ITGB2: variants seen among roughly 807,000 people sequenced by gnomAD.
The protein encoded by ITGB2 is integrin beta-2.
A neutral mutation model predicts 86.8 loss-of-function variants in ITGB2; 56 were observed. The ratio of observed to expected loss-of-function variants is 0.65; its 90% CI spans 0.52 to 0.81. The LOEUF is 0.81. ITGB2 is among the 30% of genes least tolerant of loss of function. The pLI, the probability that ITGB2 is intolerant of heterozygous loss-of-function variation, is 0.00. For synonymous variants in ITGB2, 457 were observed against 450.4 expected (o/e 1.01, Z -0.19); for missense variants, 948 against 1,061.2 (o/e 0.89, Z 1.48).
intron 4 of ITGB2, among the ~76,000 whole-genome samples, chr21:44,904,438 C>T (rs1816636176): frequency 6.6e-6 from 1 of 151,956 alleles, no homozygotes; most frequent in African/African-American, 2.4e-5. Context: ...ACGTAGCACA[C>T]ACGCACCCAC....
At chr21:44,919,705 CT>C (rs911755018) in intron 1 of ITGB2, among the ~76,000 whole-genome samples, 3 of 152,238 alleles carry the variant, frequency 2.0e-5, no homozygotes, top group African/African-American at 7.2e-5. Context: ...CATCCCCCCC[CT>C]TCCCCATTGC....
chr21:44,903,167 G>C (rs1568894903), intron 5 of ITGB2, among the ~76,000 whole-genome samples, 198 bp downstream of exon 5: 1 of 152,206 alleles, frequency 6.6e-6, no homozygotes, highest in Non-Finnish European at 1.5e-5. Context: ...TACAAGTGTT[G>C]GGGAGCCAGG....
chr21:44,924,646 A>G (rs1329227423), upstream of ITGB2, among the ~76,000 whole-genome samples: 1 of 152,178 alleles, frequency 6.6e-6, no homozygotes, highest in Non-Finnish European at 1.5e-5. Context: ...TCACGGACAC[A>G]ATTGAATGAA....
chr21:44,908,908 C>T lies in ITGB2; in HGVS notation c.147+1376G>A, dbSNP rs187225592. ...GGACAGGACACGCAGCCAGACCCAG[C>T]GGATTTGAGCAACTCGGGGAAGAAA... On this transcript the variant is annotated intron_variant, in intron 3 of 15. Transcript: ENST00000652462. 2.4e-3 allele frequency among the ~76,000 whole-genome samples: 359 copies of T among 152,248 alleles called. 1 individual carries two copies. The highest frequency in any genetic ancestry group is 3.9e-3 in the Non-Finnish European group (268 of 68,030).
chr21:44,898,375 A>G (rs1007718572), intron 8 of ITGB2, among the ~76,000 whole-genome samples: 7 of 152,162 alleles, frequency 4.6e-5, no homozygotes, highest in African/African-American at 1.7e-4. Context: ...TTTTGTCTGT[A>G]TCCTCCCACC....
chr21:44,887,636 G>A (rs173098), intron 14 of ITGB2, among the ~76,000 whole-genome samples: 37,370 of 151,728 alleles, frequency 0.25, 4,831 homozygotes, highest in Middle Eastern at 0.32. Flanking sequence ...CTCACTCCCC[G>A]TGCCCCCTCC....
At chr21:44,895,912 AT>A (rs1394780472) in intron 8 of ITGB2, among the ~76,000 whole-genome samples, 5 of 151,022 alleles carry the variant, frequency 3.3e-5, no homozygotes, top group African/African-American at 7.4e-5. Flanking sequence ...TAAATAAAAA[AT>A]AAAAAAAAAA....
chr21:44,917,894 C>T (rs540089176), intron 1 of ITGB2, among the ~76,000 whole-genome samples: 2 of 152,206 alleles, frequency 1.3e-5, no homozygotes, highest in South Asian at 2.1e-4. Flanking sequence ...ACACGCAGCC[C>T]GGGGTGGGCA....
intron 1 of ITGB2, 86 bp from the exon 2 acceptor site, chr21:44,910,871 G>A (rs749574357): frequency 3.2e-5 from 44 of 1,387,108 alleles, no homozygotes; most frequent in Non-Finnish European, 4.4e-5. Flanking sequence ...GCTGGCCTGG[G>A]ACAAGGAGCT....
At chr21:44,909,760 C>G (rs2084100530) in intron 3 of ITGB2, among the ~76,000 whole-genome samples, 1 of 152,208 alleles carries the variant, frequency 6.6e-6, no homozygotes, top group Non-Finnish European at 1.5e-5. Flanking sequence ...GAATTTGATA[C>G]ATGAATTTAT....
chr21:44,897,530 CCT>C (rs1196436071), intron 8 of ITGB2, among the ~76,000 whole-genome samples: 1 of 152,188 alleles, frequency 6.6e-6, no homozygotes, highest in Non-Finnish European at 1.5e-5. Flanking sequence ...CTGTGAATTC[CCT>C]GAGTGGGTGA....
Position 44,886,266 on chromosome 21 carries a change from G to T in ITGB2, c.*102C>A. On this transcript the variant is annotated 3_prime_UTR_variant, in exon 16 of 16. Coordinates refer to ENST00000652462, the MANE Select transcript of ITGB2 (RefSeq NM_000211.5). ...GAGGGCGGAAAATAACTGGATTTCT[G>T]GTTAATTGGTGACATCCTCAAGAGC... is the stretch of plus-strand genomic sequence containing the variant. 8.9e-7 allele frequency: 1 copy of T among 1,121,284 alleles called. No individual in the cohort carries two copies. The highest frequency in any genetic ancestry group is 1.4e-6 in the Non-Finnish European group (1 of 732,382). 69.5% of individuals were successfully genotyped at this position (1,121,284 alleles called of 1,614,324 possible).
rs1255938477 is a variant in ITGB2 at position 44,886,404 on chromosome 21, G to C, written c.2274C>G (p.Thr758=). The change falls in exon 16 of 16, where the codon ACC becomes ACG. Residue 758 remains threonine, a synonymous_variant. Coordinates refer to ENST00000652462, the MANE Select transcript of ITGB2 (RefSeq NM_000211.5). ...NNDNPLFKSA[T]TTVMNPKFAE... is the part of the protein sequence containing the mutation. ...CAAACTTGGGGTTCATGACCGTCGTGGTGGCGCTCTTGAAAAGGGGATTAT... is the reference window on the plus strand; with the variant it reads ...CAAACTTGGGGTTCATGACCGTCGTCGTGGCGCTCTTGAAAAGGGGATTAT... 3 of 1,614,182 alleles carry C rather than the reference G, an allele frequency of 1.9e-6. No homozygotes were observed. In the South Asian group the frequency reaches 3.3e-5, roughly 18 times the overall value.
intron 7 of ITGB2, 77 bp from the exon 8 acceptor site, chr21:44,899,239 C>T (rs1428257135): frequency 9.9e-6 from 11 of 1,108,042 alleles, no homozygotes; most frequent in Non-Finnish European, 1.4e-5. Flanking sequence ...GTCTGCCCCG[C>T]TCAGCGTCAG....
In ITGB2 at chr21:44,888,831, G is replaced by C; in HGVS notation, c.1942C>G (p.Pro648Ala). The C allele has an allele frequency of 6.2e-7, 1 of 1,610,708 alleles. No homozygotes were observed. ...PFGKNCSAAC[P>A]GLQLSNNPVK... The stretch of plus-strand genomic sequence containing the variant: ...GGGTTGTTCGACAGCTGCAGGCCCG[G>C]ACACGCCGCGCTGCAGTTCTTCCCA... Residue 648 changes from proline (P) to alanine (A), a missense_variant, in exon 14 of 16, where the codon CCG becomes GCG. Pro to Ala is a conservative substitution (Grantham distance 27). Transcript: ENST00000652462.
chr21:44,911,101 C>T (rs763590136), intron 1 of ITGB2: 12 of 479,484 alleles, frequency 2.5e-5, no homozygotes, highest in African/African-American at 3.9e-5. Context: ...CACACATGCA[C>T]GTGTACGTGC....
At chr21:44,912,009 A>G (rs1452053103) in intron 1 of ITGB2, among the ~76,000 whole-genome samples, 1 of 152,088 alleles carries the variant, frequency 6.6e-6, no homozygotes, top group Middle Eastern at 3.2e-3. Flanking sequence ...GTGGAGAGGT[A>G]CTGAGAAGGG....
At position 44,886,285 on chromosome 21, in the gene ITGB2, C is replaced by G; in HGVS notation, c.*83G>C. On this transcript the variant is annotated 3_prime_UTR_variant, in exon 16 of 16. Coordinates refer to ENST00000652462, the MANE Select transcript of ITGB2 (RefSeq NM_000211.5). ...ATTTCTGGTTAATTGGTGACATCCT[C>G]AAGAGCTGTGGCAAGCCATGTCTCG... 9.6e-6 allele frequency: 12 copies of G among 1,244,838 alleles called. No homozygotes were observed. The highest frequency in any genetic ancestry group is 1.4e-5 in the Non-Finnish European group (12 of 843,608). The allele number at this position is 1,244,838 out of a possible 1,614,324, so 77.1% of individuals were successfully genotyped here. A position where few individuals can be genotyped will look rare whatever the true frequency, so the allele number is the denominator to read the frequency against.
Position 44,903,443 on chromosome 21 carries a change from C to T in ITGB2, c.421G>A (p.Asp141Asn). Residue 141 changes from aspartate to asparagine, a missense_variant, in exon 5 of 16, where the codon GAT becomes AAT. Physicochemically the swap from Asp to Asn is conservative, Grantham distance 23. Transcript: ENST00000652462. ...AGCTTCTTGACATTCCTGAGGTCAT[C>T]AAGCATGGAGTAGGAGAGGTCCATC... Reference protein sequence around the residue: ...YLMDLSYSMLDDLRNVKKLGG... With the variant: ...YLMDLSYSMLNDLRNVKKLGG... The T allele has an allele frequency of 6.2e-7, 1 of 1,614,108 alleles. No individual in the cohort carries two copies. Among genetic ancestry groups the T allele is most frequent in the Non-Finnish European group, 8.5e-7 (1 of 1,179,976 alleles).
Sources: gnomAD v4.1 joint callset for allele counts (sites outside exome capture counted in the v4.1 genomes callset) on GRCh38, gnomAD v4.1.1 for gene constraint, MANE v1.5 for transcripts, NCBI Gene and HGNC (gene_info 2026-07-23, HGNC 2026-07-21) for gene names.